LMO1: variants seen among roughly 807,000 people sequenced by gnomAD.
The protein encoded by LMO1 is LIM domain only 1.
LMO1 carries 10 observed loss-of-function variants against 18.0 expected under a neutral mutation model. The ratio of observed to expected loss-of-function variants is 0.55; its 90% confidence interval spans 0.34 to 0.94. The LOEUF (loss-of-function observed/expected upper bound fraction) is 0.94. LMO1 is among the 40% of genes least tolerant of loss of function. The probability of loss-of-function intolerance (pLI) is 0.02; values close to 1 mark genes in which losing one functional copy is unlikely to be tolerated. For missense variants in LMO1, 183 were observed against 205.7 expected, an observed-to-expected ratio of 0.89 and a Z score of 0.68; for synonymous variants, 77 against 77.9, an observed-to-expected ratio of 0.99 and a Z score of 0.06.
intron 1 of LMO1, among the ~76,000 whole-genome samples, chr11:8,255,712 A>G (rs1847079528): frequency 2.0e-5 from 3 of 151,752 alleles, no homozygotes; most frequent in Admixed American, 6.6e-5. Flanking sequence ...ACTGACCCAC[A>G]GATTTTTGAG....
intron 1 of LMO1, among the ~76,000 whole-genome samples, chr11:8,237,087 C>T (rs979901755): frequency 6.6e-6 from 1 of 151,844 alleles, no homozygotes; most frequent in Non-Finnish European, 1.5e-5. Flanking sequence ...CCTCATGGAC[C>T]CACGTGCAAC....
At chr11:8,226,851 C>A (rs969281239) in intron 3 of LMO1, 124 bp downstream of exon 3, 7 of 1,429,042 alleles carry the variant, frequency 4.9e-6, no homozygotes, top group African/African-American at 4.3e-5. Flanking sequence ...AACCTGCACG[C>A]ACCACCACAT....
At chr11:8,227,831 T>C (rs1361966628) in intron 2 of LMO1, among the ~76,000 whole-genome samples, 3 of 152,146 alleles carry the variant, frequency 2.0e-5, no homozygotes, top group Non-Finnish European at 4.4e-5. Context: ...TTACAGTGTT[T>C]ATTATTTGAT....
intron 3 of LMO1, among the ~76,000 whole-genome samples, chr11:8,225,933 C>T (rs1289677486): frequency 1.3e-5 from 2 of 152,206 alleles, no homozygotes; most frequent in African/African-American, 2.4e-5. Context: ...AGGCCCCAGC[C>T]AGGGCTGAAG....
At position 8,230,484 on chromosome 11, in the gene LMO1, G is replaced by A; in HGVS notation, c.46C>T (p.Gln16Ter). 1 of 1,613,022 alleles carries A rather than the reference G, an allele frequency of 6.2e-7. No individual in the cohort carries two copies. Among genetic ancestry groups the A allele is most frequent in the Non-Finnish European group, 8.5e-7 (1 of 1,179,870 alleles). The stretch of plus-strand genomic sequence containing the variant: ...CAGCCCTTCTGCTTCCCTTTGGGCT[G>A]GACGGAGAGCATCGGCACGCCTGCA... ...KEDGVPMLSV[Q>*]PKGKQKGCAG... The change falls in exon 2 of 4, where the codon CAG becomes TAG. Residue 16 changes from glutamine to a stop codon, truncating the protein, a stop_gained. Coordinates refer to ENST00000335790, the MANE Select transcript of LMO1 (RefSeq NM_002315.3). LOFTEE classifies it high-confidence loss of function.
At position 8,263,371 on chromosome 11, in the gene LMO1, C is replaced by T. The variant is rs1233182628; in HGVS notation, c.-9G>A. 6.2e-7 allele frequency: 1 copy of T among 1,604,880 alleles called. No individual in the cohort carries two copies. Among genetic ancestry groups the T allele is most frequent in the Non-Finnish European group, 8.5e-7 (1 of 1,178,716 alleles). ...TTGTCCAGCACCATCATCTCGGGCGCTCCGTGTCCAGCCGCAGCTAGGCTC... is the reference window on the plus strand; with the variant it reads ...TTGTCCAGCACCATCATCTCGGGCGTTCCGTGTCCAGCCGCAGCTAGGCTC... On this transcript the variant is annotated 5_prime_UTR_variant, in exon 1 of 4. Coordinates refer to ENST00000335790, the MANE Select transcript of LMO1 (RefSeq NM_002315.3).
intron 1 of LMO1, among the ~76,000 whole-genome samples, chr11:8,240,991 T>G (rs969459340): frequency 8.5e-5 from 13 of 152,292 alleles, no homozygotes; most frequent in African/African-American, 3.1e-4. Flanking sequence ...GAATGAGGCT[T>G]ACGTTAATTG....
intron 1 of LMO1, among the ~76,000 whole-genome samples, chr11:8,236,362 TG>T (rs961655034): frequency 2.7e-5 from 4 of 150,584 alleles, no homozygotes; most frequent in African/African-American, 9.9e-5. Context: ...GGCTAATTTT[TG>T]GGGGGAGGAA....
chr11:8,227,904 A>T (rs527816010), intron 2 of LMO1, among the ~76,000 whole-genome samples: 1 of 152,314 alleles, frequency 6.6e-6, no homozygotes, highest in African/African-American at 2.4e-5. Flanking sequence ...CCTGGCCTCA[A>T]CTGATCCTCC....
At chr11:8,225,918 G>C (rs1952531250) in intron 3 of LMO1, among the ~76,000 whole-genome samples, 1 of 152,206 alleles carries the variant, frequency 6.6e-6, no homozygotes, top group Admixed American at 6.5e-5. Context: ...CTGCCTTCTG[G>C]TGCTAGGCCC....
chr11:8,246,614 C>A (rs1360601661), intron 1 of LMO1, among the ~76,000 whole-genome samples: 1 of 152,180 alleles, frequency 6.6e-6, no homozygotes, highest in East Asian at 1.9e-4. Flanking sequence ...ATGGTGATGA[C>A]TGCATAACTC....
intron 1 of LMO1, among the ~76,000 whole-genome samples, chr11:8,232,930 C>A (rs972185437): frequency 3.9e-5 from 6 of 152,188 alleles, no homozygotes; most frequent in African/African-American, 1.2e-4. Flanking sequence ...TGTCCTGGCT[C>A]CCGCAGGGTT....
At chr11:8,244,886 A>G (rs1443924301) in intron 1 of LMO1, among the ~76,000 whole-genome samples, 3 of 152,204 alleles carry the variant, frequency 2.0e-5, no homozygotes, top group Admixed American at 6.5e-5. Context: ...GGCCAGCCCA[A>G]GCAAGGTCTC....
upstream of LMO1, among the ~76,000 whole-genome samples, chr11:8,266,304 C>G (rs1847260611): frequency 6.6e-6 from 1 of 152,122 alleles, no homozygotes; most frequent in South Asian, 2.1e-4. Flanking sequence ...CATCACTCAC[C>G]CCATCTGATG....
At chr11:8,264,001 G>T (rs1258469660), upstream of LMO1, 1 of 348,414 alleles carries the variant, frequency 2.9e-6, no homozygotes, top group Non-Finnish European at 4.2e-6. Context: ...AGGCTTCTAG[G>T]TCCTAGCTCG....
intron 1 of LMO1, among the ~76,000 whole-genome samples, chr11:8,252,513 T>C (rs1281004850): frequency 6.6e-6 from 1 of 152,232 alleles, no homozygotes; most frequent in African/African-American, 2.4e-5. Context: ...CCTAGTGGCT[T>C]GCTCCCAAGG....
intron 1 of LMO1, among the ~76,000 whole-genome samples, chr11:8,237,729 G>A (rs1250117426): frequency 3.9e-5 from 6 of 152,256 alleles, no homozygotes; most frequent in Admixed American, 3.9e-4. Context: ...TCCGCCCATG[G>A]GGTGGCAGTC....
intron 1 of LMO1, among the ~76,000 whole-genome samples, chr11:8,240,697 A>T (rs779039531): frequency 1.3e-5 from 2 of 152,072 alleles, no homozygotes; most frequent in Non-Finnish European, 2.9e-5. Context: ...AATCCCATTC[A>T]TGAGGGTTCT....
intron 1 of LMO1, among the ~76,000 whole-genome samples, chr11:8,232,477 G>A (rs913421167): frequency 6.6e-6 from 1 of 152,186 alleles, no homozygotes; most frequent in African/African-American, 2.4e-5. Context: ...ATAGCTGGAT[G>A]GGGAAATGAG....
Sources: allele counts gnomAD v4.1 joint callset (sites outside exome capture counted in the v4.1 genomes callset), GRCh38; gene constraint gnomAD v4.1.1; transcripts MANE v1.5; gene names NCBI Gene and HGNC (gene_info 2026-07-23, HGNC 2026-07-21).